Variants in TRAK1 observed in about 807,000 individuals in gnomAD.
The protein encoded by TRAK1 is trafficking kinesin protein 1.
TRAK1 carries 33 observed loss-of-function variants against 92.1 expected under a neutral mutation model. The observed-to-expected ratio is 0.36, with a 90% CI of 0.27 to 0.48. The LOEUF is 0.48. Ranked by LOEUF, TRAK1 falls within the 20% of genes least tolerant of loss-of-function variation. TRAK1 has a pLI of 0.99. For synonymous variants in TRAK1, 521 were observed against 517.3 expected (o/e 1.01, Z -0.10); for missense variants, 1,123 against 1,257.9 (o/e 0.89, Z 1.62).
chr3:42,148,033 C>CAT (rs1268469444), intron 2 of TRAK1, among the ~76,000 whole-genome samples: 2 of 152,082 alleles, frequency 1.3e-5, no homozygotes, highest in East Asian at 3.9e-4. Context: ...AACACACACA[C>CAT]ACACACACAC....
chr3:42,219,135 C>A, intron 14 of TRAK1: 1 of 985,392 alleles, frequency 1.0e-6, no homozygotes, highest in Non-Finnish European at 1.2e-6. Flanking sequence ...CAAAAGAAGA[C>A]AGCAGGTTCT....
chr3:42,204,293 G>C (rs1708070979), intron 13 of TRAK1: 1 of 956,106 alleles, frequency 1.0e-6, no homozygotes. Flanking sequence ...TGTTTCATTA[G>C]ATCATCTAAG....
intron 1 of TRAK1, among the ~76,000 whole-genome samples, chr3:42,041,156 G>T (rs1323425759): frequency 1.3e-5 from 2 of 149,800 alleles, no homozygotes; most frequent in Non-Finnish European, 3.0e-5. Context: ...AAAAAAAACG[G>T]CTGGGATTTT....
At chr3:42,096,556 A>C (rs957314894) in intron 1 of TRAK1, among the ~76,000 whole-genome samples, 1 of 152,244 alleles carries the variant, frequency 6.6e-6, no homozygotes, top group African/African-American at 2.4e-5. Context: ...GCATGGCCAA[A>C]CACATAATTT....
At chr3:42,141,956 C>T (rs1027364869) in intron 2 of TRAK1, among the ~76,000 whole-genome samples, 3 of 152,052 alleles carry the variant, frequency 2.0e-5, no homozygotes, top group South Asian at 2.1e-4. Flanking sequence ...GCTAACATGA[C>T]GAAAACCTGT....
intron 1 of TRAK1, among the ~76,000 whole-genome samples, chr3:42,120,447 C>T (rs1709702880): frequency 6.6e-6 from 1 of 151,960 alleles, no homozygotes; most frequent in South Asian, 2.1e-4. Flanking sequence ...CCATTCACAG[C>T]AGGAGCTTGA....
chr3:42,022,731 A>C (rs7428522), intron 1 of TRAK1, among the ~76,000 whole-genome samples: 2 of 24,542 alleles, frequency 8.1e-5, no homozygotes, highest in Non-Finnish European at 3.2e-3. Context: ...TAAAAAAAAA[A>C]AAACAAAAAC....
chr3:42,183,079 T>C (rs1274486007), intron 3 of TRAK1, among the ~76,000 whole-genome samples: 2 of 152,210 alleles, frequency 1.3e-5, no homozygotes, highest in East Asian at 3.8e-4. Context: ...TGTGACCCAG[T>C]ACTCATATAG....
At chr3:42,214,296 G>A (rs1709410678) in intron 14 of TRAK1, among the ~76,000 whole-genome samples, 2 of 152,180 alleles carry the variant, frequency 1.3e-5, no homozygotes, top group Admixed American at 1.3e-4. Context: ...TGAAGCACAG[G>A]TGAAGTGCTC....
chr3:42,125,298 C>T, intron 1 of TRAK1, 122 bp from the exon 2 acceptor site: 1 of 837,586 alleles, frequency 1.2e-6, no homozygotes, highest in Non-Finnish European at 1.8e-6. Context: ...ATAGCCTTGT[C>T]TAGCTTCTTT....
chr3:42,102,530 T>C (rs112723482), intron 1 of TRAK1, among the ~76,000 whole-genome samples: 90 of 152,308 alleles, frequency 5.9e-4, no homozygotes, highest in African/African-American at 2.1e-3. Flanking sequence ...TCTTGTCTCA[T>C]GACCAGGGAG....
chr3:42,028,142 C>T (rs138216250), intron 1 of TRAK1, among the ~76,000 whole-genome samples: 3 of 152,354 alleles, frequency 2.0e-5, no homozygotes, highest in East Asian at 3.9e-4. Flanking sequence ...TGAGCCACCA[C>T]CCCCGGCCAC....
chr3:42,058,807 A>T (rs1703307236), intron 1 of TRAK1, among the ~76,000 whole-genome samples: 3 of 152,156 alleles, frequency 2.0e-5, no homozygotes. Context: ...CCATTGCTTT[A>T]TGTACCTCTA....
chr3:42,150,907 A>G lies in TRAK1; in HGVS notation c.286+25293A>G, dbSNP rs541774390. ...GATGAGTGAATTTTTTCTTTGGAAT[A>G]TATTCATTCTAAAAGCAAGTTCCCA... On this transcript the variant is annotated intron_variant, in intron 2 of 15. Transcript: ENST00000327628. Among the ~76,000 whole-genome samples the G allele has an allele frequency of 1.9e-4, 29 of 152,326 alleles. No homozygotes were observed. The South Asian group carries it at 5.6e-3, about 29-fold the overall frequency.
At position 42,222,997 on chromosome 3, in the gene TRAK1, C is replaced by G. The variant is rs1237728239; in HGVS notation, c.2122C>G (p.Pro708Ala). The G allele has an allele frequency of 1.9e-6, 3 of 1,614,054 alleles. No individual in the cohort carries two copies. Among genetic ancestry groups the G allele is most frequent in the Non-Finnish European group, 2.5e-6 (3 of 1,180,040 alleles). The stretch of plus-strand genomic sequence containing the variant: ...CAGCACCAGCCACTTGAAATCCACG[C>G]CGGTGGCCACACCATGCACTCCACG... ...CGSTSHLKST[P>A]VATPCTPRRL... is the part of the protein sequence containing the mutation. The change falls in exon 16 of 16, where the codon CCG becomes GCG. Residue 708 changes from proline to alanine, a missense_variant. Pro to Ala is a conservative substitution (Grantham distance 27, BLOSUM62 -1). This residue lies in a region of TRAK1 where 401 missense variants were observed against 438.9 expected (regional missense o/e 0.91). Transcript: ENST00000327628.
chr3:42,148,323 C>A (rs911872402), intron 2 of TRAK1, among the ~76,000 whole-genome samples: 1 of 152,122 alleles, frequency 6.6e-6, no homozygotes, highest in African/African-American at 2.4e-5. Context: ...AATTACCTAA[C>A]CTCAAATGTC....
At chr3:42,048,978 C>T (rs1016376389) in intron 1 of TRAK1, among the ~76,000 whole-genome samples, 1 of 152,164 alleles carries the variant, frequency 6.6e-6, no homozygotes, top group Non-Finnish European at 1.5e-5. Context: ...GTCTCAACCT[C>T]GTGGCCTCAA....
At chr3:42,212,898 G>C (rs1204879664) in intron 14 of TRAK1, among the ~76,000 whole-genome samples, 2 of 152,156 alleles carry the variant, frequency 1.3e-5, no homozygotes, top group Non-Finnish European at 2.9e-5. Context: ...CACATGGATA[G>C]AGAAAATTGA....
At chr3:42,044,656 C>T (rs1432462750) in intron 1 of TRAK1, among the ~76,000 whole-genome samples, 1 of 152,108 alleles carries the variant, frequency 6.6e-6, no homozygotes, top group African/African-American at 2.4e-5. Context: ...TTCTTGAGCT[C>T]CCTGGTAGAG....
Sources: allele counts gnomAD v4.1 joint callset (sites outside exome capture counted in the v4.1 genomes callset), GRCh38; gene constraint gnomAD v4.1.1; regional missense constraint gnomAD v4.1.1; transcripts MANE v1.5; gene names NCBI Gene and HGNC (gene_info 2026-07-23, HGNC 2026-07-21).